The following TRAK1 variants were observed in gnomAD, a reference collection of about 807,000 sequenced individuals.
The protein encoded by TRAK1 is trafficking kinesin-binding protein 1.
TRAK1 carries 33 observed loss-of-function variants against 92.1 expected under a neutral mutation model. The ratio of observed to expected loss-of-function variants is 0.36; its 90% CI spans 0.27 to 0.48. TRAK1 has a LOEUF of 0.48. Ranked by LOEUF, TRAK1 falls within the 20% of genes least tolerant of loss-of-function variation. The pLI is 0.99. For synonymous variants in TRAK1, 521 were observed against 517.3 expected (o/e 1.01, Z -0.10); for missense variants, 1,123 against 1,257.9 (o/e 0.89, Z 1.62).
chr3:42,104,055 G>A lies in TRAK1; in HGVS notation c.91+12495G>A, dbSNP rs188968831. Reference sequence around the variant, plus strand: ...CTGGCTTGGAGGGTCCCACGCCCACGGAACCTCACTCACTGCTAGCACAGC... The same window carrying A: ...CTGGCTTGGAGGGTCCCACGCCCACAGAACCTCACTCACTGCTAGCACAGC... On this transcript the variant is annotated intron_variant, in intron 1 of 15. Transcript: ENST00000327628. 9.9e-5 allele frequency among the ~76,000 whole-genome samples: 15 copies of A among 152,202 alleles called. No homozygotes were observed. The East Asian group carries it at 2.5e-3, about 26-fold the overall frequency.
At chr3:42,080,842 T>C (rs1704397453) in intron 1 of TRAK1, among the ~76,000 whole-genome samples, 1 of 152,194 alleles carries the variant, frequency 6.6e-6, no homozygotes, top group African/African-American at 2.4e-5. Context: ...GATCCTTGAA[T>C]TGTATCTGGG....
intron 3 of TRAK1, among the ~76,000 whole-genome samples, chr3:42,181,071 T>C (rs1400415641): frequency 6.6e-6 from 1 of 152,190 alleles, no homozygotes; most frequent in African/African-American, 2.4e-5. Context: ...ATTGTTGAGC[T>C]CATTGCTCTA....
intron 11 of TRAK1, among the ~76,000 whole-genome samples, chr3:42,199,775 C>G (rs758948249): frequency 6.6e-6 from 1 of 152,200 alleles, no homozygotes; most frequent in East Asian, 1.9e-4. Flanking sequence ...CTGTGCTCCT[C>G]TTCTTCTTAG....
At chr3:42,179,363 A>G (rs1462413992) in intron 3 of TRAK1, among the ~76,000 whole-genome samples, 1 of 152,202 alleles carries the variant, frequency 6.6e-6, no homozygotes, top group Non-Finnish European at 1.5e-5. Context: ...CATGCCTGCC[A>G]CAGGCAGGCA....
intron 7 of TRAK1, among the ~76,000 whole-genome samples, chr3:42,192,584 A>G (rs1705985782): frequency 6.6e-6 from 1 of 150,784 alleles, no homozygotes; most frequent in Non-Finnish European, 1.5e-5. Context: ...AATCTAGTCA[A>G]GTGAGTTATG....
At chr3:42,135,181 C>A (rs1264788820) in intron 2 of TRAK1, among the ~76,000 whole-genome samples, 1 of 152,198 alleles carries the variant, frequency 6.6e-6, no homozygotes, top group East Asian at 1.9e-4. Context: ...TACCTACCTA[C>A]CATGTTATGC....
chr3:42,113,020 C>T (rs1708664729), intron 1 of TRAK1, among the ~76,000 whole-genome samples: 1 of 152,152 alleles, frequency 6.6e-6, no homozygotes, highest in Non-Finnish European at 1.5e-5. Context: ...ATCCTCCTGC[C>T]TTGACCTCCC....
At position 42,124,148 on chromosome 3, in the gene TRAK1, AAAAG is replaced by A. The variant is rs201744901; in HGVS notation, c.92-1269_92-1266del. 2.7e-3 allele frequency among the ~76,000 whole-genome samples: 404 copies of A among 152,262 alleles called. 3 individuals carry two copies. The highest frequency in any genetic ancestry group is 9.2e-3 in the African/African-American group (381 of 41,546). On this transcript the variant is annotated intron_variant, in intron 1 of 15. Coordinates refer to ENST00000327628, the MANE Select transcript of TRAK1 (RefSeq NM_001042646.3). ...GTGAGACACTGTCTTAAAAAAAAAA[AAAAG>A]AATCAACCTCAGTAATATTCTTATC... is the stretch of plus-strand genomic sequence containing the variant.
intron 2 of TRAK1, among the ~76,000 whole-genome samples, chr3:42,135,529 C>T (rs1697837946): frequency 6.6e-6 from 1 of 152,110 alleles, no homozygotes; most frequent in African/African-American, 2.4e-5. Flanking sequence ...GGCATTGAGA[C>T]CATCCTTGGC....
chr3:42,192,250 CTG>C (rs961286092), intron 7 of TRAK1, among the ~76,000 whole-genome samples: 56 of 152,236 alleles, frequency 3.7e-4, no homozygotes, highest in African/African-American at 1.2e-3. Flanking sequence ...CTACAGAAAA[CTG>C]TGTTGAAAAT....
At chr3:42,204,789 C>T (rs943484565) in intron 13 of TRAK1, among the ~76,000 whole-genome samples, 1 of 152,130 alleles carries the variant, frequency 6.6e-6, no homozygotes, top group Non-Finnish European at 1.5e-5. Context: ...ACTATGTTGC[C>T]TAGGCCGGTC....
In TRAK1 at chr3:42,124,267, G is replaced by C. The variant is rs548855584; in HGVS notation, c.92-1153G>C. On this transcript the variant is annotated intron_variant, in intron 1 of 15. Transcript: ENST00000327628. ...TCCTGTCTAGTTGTGTGCACCACAGGCACTTGGTTTATTTATGGGTTGACA... is the reference window on the plus strand; with the variant it reads ...TCCTGTCTAGTTGTGTGCACCACAGCCACTTGGTTTATTTATGGGTTGACA... 4.5e-4 allele frequency among the ~76,000 whole-genome samples: 69 copies of C among 152,260 alleles called. 2 individuals are homozygous for C. In the South Asian group the frequency reaches 0.012, roughly 27 times the overall value.
At chr3:42,016,628 AACAG>A (rs1208461475) in intron 1 of TRAK1, among the ~76,000 whole-genome samples, 1 of 152,186 alleles carries the variant, frequency 6.6e-6, no homozygotes, top group Non-Finnish European at 1.5e-5. Context: ...CAAGGTAGAG[AACAG>A]ACCTTGGGCA....
upstream of TRAK1, among the ~76,000 whole-genome samples, chr3:42,085,225 T>C (rs2148955590): frequency 6.6e-6 from 1 of 152,304 alleles, no homozygotes; most frequent in African/African-American, 2.4e-5. Context: ...TGGAGTGCAG[T>C]GGCATGATCT....
At chr3:42,184,824 T>A in intron 4 of TRAK1, 23 bp downstream of exon 4, 1 of 1,595,918 alleles carries the variant, frequency 6.3e-7, no homozygotes, top group Non-Finnish European at 8.6e-7. Flanking sequence ...AGGCCGAGGC[T>A]TCCAGAGGGG....
intron 1 of TRAK1, among the ~76,000 whole-genome samples, chr3:42,112,255 A>G (rs1362565524): frequency 6.9e-6 from 1 of 144,912 alleles, no homozygotes; most frequent in Non-Finnish European, 1.5e-5. Flanking sequence ...GTTCGATACT[A>G]GCCTGGCCAA....
intron 2 of TRAK1, chr3:42,160,453 C>A: frequency 6.2e-7 from 1 of 1,614,172 alleles, no homozygotes. Flanking sequence ...CAGCATGACA[C>A]CCAGGACCTC....
rs1268298370 is a variant in TRAK1 at position 42,202,145 on chromosome 3, G to A, written c.1428-291G>A. On this transcript the variant is annotated intron_variant, in intron 12 of 15. Transcript: ENST00000327628. This position sits in a 1 kb window ranked among gnomAD's most constrained non-coding sequence, Gnocchi z 6.1. ...AGCAACCTACAGGTTTCTTCCTAAA[G>A]GTTCTTCAGGGAGATGTTTACAGGG... 1.3e-5 allele frequency among the ~76,000 whole-genome samples: 2 copies of A among 152,048 alleles called. No individual in the cohort carries two copies. Among genetic ancestry groups the A allele is most frequent in the African/African-American group, 4.8e-5 (2 of 41,386 alleles).
intron 1 of TRAK1, among the ~76,000 whole-genome samples, chr3:42,022,675 T>C (rs1701762043): frequency 6.6e-6 from 1 of 151,496 alleles, no homozygotes; most frequent in African/African-American, 2.4e-5. Flanking sequence ...TGAGCCATGA[T>C]TACACCATTG....
Sources: gnomAD v4.1 joint callset for allele counts (sites outside exome capture counted in the v4.1 genomes callset) on GRCh38, gnomAD v4.1.1 for gene constraint, Gnocchi (gnomAD v3.1) non-coding constraint, MANE v1.5 for transcripts, NCBI Gene and HGNC (gene_info 2026-07-23, HGNC 2026-07-21) for gene names.